The following NRXN3 variants were observed in gnomAD, a reference collection of about 807,000 sequenced individuals.
The protein encoded by NRXN3 is neurexin III.
NRXN3 carries 32 observed loss-of-function variants against 137.6 expected under a neutral mutation model. That is an observed-to-expected ratio of 0.23 (90% CI 0.18 to 0.31). NRXN3 has a LOEUF of 0.31. NRXN3 is among the 10% of genes least tolerant of loss of function. The pLI, the probability that NRXN3 is intolerant of heterozygous loss-of-function variation, is 1.00. For synonymous variants in NRXN3, 798 were observed against 784.5 expected, an observed-to-expected ratio of 1.02 and a Z score of -0.29; for missense variants, 1,574 against 2,062.5, an observed-to-expected ratio of 0.76 and a Z score of 4.59.
intron 10 of NRXN3, among the ~76,000 whole-genome samples, chr14:78,810,575 A>C (rs75026540): frequency 0.044 from 6,676 of 152,042 alleles, 369 homozygotes; most frequent in African/African-American, 0.13. Flanking sequence ...CTTTCCTTGC[A>C]TTTGCTCTAT....
intron 17 of NRXN3, among the ~76,000 whole-genome samples, chr14:79,685,359 C>A (rs1159910189): frequency 6.6e-6 from 1 of 151,648 alleles, no homozygotes; most frequent in Non-Finnish European, 1.5e-5. Context: ...CAGAAAGGAA[C>A]AAGACAAAAT....
intron 15 of NRXN3, among the ~76,000 whole-genome samples, chr14:79,178,181 G>A (rs1182088825): frequency 4.6e-5 from 7 of 152,172 alleles, no homozygotes; most frequent in African/African-American, 1.7e-4. Context: ...AGCCTGAGTT[G>A]CATTTGTCAT....
At chr14:79,515,781 A>G (rs1335198301) in intron 16 of NRXN3, among the ~76,000 whole-genome samples, 2 of 152,334 alleles carry the variant, frequency 1.3e-5, no homozygotes, top group East Asian at 3.9e-4. Context: ...ACCTTGACAG[A>G]TAAGTGAGCA....
chr14:79,478,408 C>G (rs1024855230), intron 16 of NRXN3, among the ~76,000 whole-genome samples: 5 of 151,894 alleles, frequency 3.3e-5, no homozygotes, highest in Admixed American at 3.3e-4. Flanking sequence ...AATCAGTTTA[C>G]AGAGATGTCT....
In NRXN3 at chr14:79,156,161, C is replaced by T. The variant is rs114524658; in HGVS notation, c.3262+168020C>T. Among the ~76,000 whole-genome samples, 550 of 151,888 alleles carry T rather than the reference C, an allele frequency of 3.6e-3. 2 individuals are homozygous for T. The highest frequency in any genetic ancestry group is 0.012 in the African/African-American group (508 of 41,490). ...CCAGAAGAAGTGCTTTACACGGATA[C>T]TCTACTTCAACCCTCACAACTGCTC... On this transcript the variant is annotated intron_variant, in intron 15 of 20. Coordinates refer to ENST00000335750, the MANE Select transcript of NRXN3 (RefSeq NM_001330195.2).
intron 4 of NRXN3, among the ~76,000 whole-genome samples, chr14:78,560,494 AAGATAC>A: frequency 6.6e-6 from 1 of 152,328 alleles, no homozygotes; most frequent in Admixed American, 6.5e-5. Flanking sequence ...ACTGTTGTTG[AAGATAC>A]AGACTGTATA....
rs566356534 is a variant in NRXN3, at chr14:78,843,132, A to G, written c.2275+32788A>G. ...TGGGGAAGTGATAAGCGTCCATGAAATCTTCACAATTTATGTTCAGAGATT... is the reference window on the plus strand; with the variant it reads ...TGGGGAAGTGATAAGCGTCCATGAAGTCTTCACAATTTATGTTCAGAGATT... On this transcript the variant is annotated intron_variant, in intron 10 of 20. Coordinates refer to ENST00000335750, the MANE Select transcript of NRXN3 (RefSeq NM_001330195.2). 2.0e-5 allele frequency among the ~76,000 whole-genome samples: 3 copies of G among 152,276 alleles called. No homozygotes were observed. The South Asian group carries it at 6.2e-4, about 32-fold the overall frequency.
rs139067549 is a variant in NRXN3 at position 78,405,397 on chromosome 14, C to G, written c.757+107537C>G. On this transcript the variant is annotated intron_variant, in intron 4 of 20. Coordinates refer to ENST00000335750, the MANE Select transcript of NRXN3 (RefSeq NM_001330195.2). ...CTTCACAGTGCTTTGCTTACTTTTT[C>G]TTTCCCCTATTTGAAACTGAATCAG... Among the ~76,000 whole-genome samples the G allele has an allele frequency of 1.6e-4, 25 of 152,282 alleles. No homozygotes were observed. In the East Asian group the frequency reaches 4.5e-3, roughly 27 times the overall value.
chr14:79,580,485 G>A (rs922987583), intron 16 of NRXN3, among the ~76,000 whole-genome samples: 1 of 143,820 alleles, frequency 7.0e-6, no homozygotes, highest in Non-Finnish European at 1.5e-5. Context: ...TATGAAACTT[G>A]CCCTGATAGC....
rs549109183 is a variant in NRXN3, at chr14:78,463,598, A to G, written c.757+165738A>G. On this transcript the variant is annotated intron_variant, in intron 4 of 20. Transcript: ENST00000335750. ...AAATATGTTTTTCTTTCTTTCTTCC[A>G]TGATGGTGCACACATAATAGATTAT... is the stretch of plus-strand genomic sequence containing the variant. Among the ~76,000 whole-genome samples, 14 of 147,458 alleles carry G rather than the reference A, an allele frequency of 9.5e-5. No homozygotes were observed. In the East Asian group the frequency reaches 2.6e-3, roughly 27 times the overall value.
intron 15 of NRXN3, among the ~76,000 whole-genome samples, chr14:79,017,296 G>C (rs2099580951): frequency 6.6e-6 from 1 of 151,676 alleles, no homozygotes; most frequent in Non-Finnish European, 1.5e-5. Context: ...AACTGGTTCT[G>C]TTCATGATGC....
chr14:78,988,794 T>TAC (rs60071477), intron 15 of NRXN3, among the ~76,000 whole-genome samples: 4 of 136,850 alleles, frequency 2.9e-5, no homozygotes, highest in African/African-American at 5.7e-5. Flanking sequence ...TGTATATATA[T>TAC]GTATGTATGT....
At chr14:78,171,981 G>A (rs994798952) in intron 1 of NRXN3, among the ~76,000 whole-genome samples, 10 of 152,070 alleles carry the variant, frequency 6.6e-5, no homozygotes, top group African/African-American at 2.4e-4. Context: ...AAAAGAGCTG[G>A]TAGGACAAGA....
At chr14:78,697,431 G>A (rs1245598510) in intron 6 of NRXN3, among the ~76,000 whole-genome samples, 1 of 152,014 alleles carries the variant, frequency 6.6e-6, no homozygotes, top group Admixed American at 6.6e-5. Flanking sequence ...AGGCAACGGA[G>A]TGAGTCATCA....
chr14:79,505,489 A>T (rs1324545648), intron 16 of NRXN3, among the ~76,000 whole-genome samples: 1 of 152,170 alleles, frequency 6.6e-6, no homozygotes, highest in Non-Finnish European at 1.5e-5. Flanking sequence ...TAAGACTAAA[A>T]GTAGTCCACA....
intron 10 of NRXN3, among the ~76,000 whole-genome samples, chr14:78,816,488 G>A (rs1333157864): frequency 6.6e-6 from 1 of 151,936 alleles, no homozygotes; most frequent in Non-Finnish European, 1.5e-5. Context: ...AGAATATATA[G>A]GTTTATTTTA....
intron 4 of NRXN3, among the ~76,000 whole-genome samples, chr14:78,601,402 A>G (rs1601152196): frequency 6.6e-6 from 1 of 152,034 alleles, no homozygotes; most frequent in East Asian, 1.9e-4. Context: ...CGAGCTTATG[A>G]GGGTGGTCCT....
At chr14:79,166,826 C>T (rs2199797) in intron 15 of NRXN3, among the ~76,000 whole-genome samples, 150,146 of 152,042 alleles carry the variant, frequency 0.99, 74,168 homozygotes, top group East Asian at 1. Flanking sequence ...TTCTCATCTG[C>T]AAAGTGAATA....
intron 10 of NRXN3, among the ~76,000 whole-genome samples, chr14:78,934,639 G>T (rs1474010660): frequency 6.6e-6 from 1 of 152,140 alleles, no homozygotes; most frequent in Non-Finnish European, 1.5e-5. Flanking sequence ...AATAAAAAAT[G>T]ATGAGTTCAT....
Sources: allele counts gnomAD v4.1 joint callset (sites outside exome capture counted in the v4.1 genomes callset), GRCh38; gene constraint gnomAD v4.1.1; transcripts MANE v1.5; gene names NCBI Gene and HGNC (gene_info 2026-07-23, HGNC 2026-07-21).